The following DST variants were observed in gnomAD, a reference collection of about 807,000 sequenced individuals.
DST encodes dystonin.
In DST, 253 loss-of-function variants were observed where a neutral mutation model predicts 875.2. That is an observed-to-expected ratio of 0.29 (90% CI 0.26 to 0.32). DST has a LOEUF of 0.32. DST is among the 10% of genes least tolerant of loss of function. The pLI, the probability that DST is intolerant of heterozygous loss-of-function variation, is 1.00. For missense variants in DST, 8,287 were observed against 9,111.6 expected (o/e 0.91, Z 3.68); for synonymous variants, 3,124 against 3,197.1 (o/e 0.98, Z 0.77).
At chr6:56,801,391 C>T (rs1034394979) in intron 4 of DST, among the ~76,000 whole-genome samples, 5 of 152,180 alleles carry the variant, frequency 3.3e-5, no homozygotes, top group African/African-American at 7.2e-5. Context: ...GAGGAAATAC[C>T]GCTATCTGAG....
chr6:56,553,020 T>A lies in DST; in HGVS notation c.15772A>T (p.Thr5258Ser). The change falls in exon 61 of 104, where the codon ACT becomes TCT. Residue 5258 changes from threonine to serine, a missense_variant. By Grantham distance (58) the Thr-to-Ser change is moderately conservative (BLOSUM62 1). This residue lies in a region of DST where 1,513 missense variants were observed against 1,677.8 expected (regional missense o/e 0.90). Coordinates refer to ENST00000680361, the MANE Select transcript of DST (RefSeq NM_001374736.1). Reference protein sequence around the residue: ...KSLIQKVDMVTEQLHSKKFCL... With the variant: ...KSLIQKVDMVSEQLHSKKFCL... ...AATTTCTTACTGTGAAGTTGTTCAG[T>A]GACCATGTCCACCTTCTGGATCAGT... 6.2e-7 allele frequency: 1 copy of A among 1,613,964 alleles called. No individual in the cohort carries two copies. Among genetic ancestry groups the A allele is most frequent in the Non-Finnish European group, 8.5e-7 (1 of 1,179,902 alleles).
At chr6:56,724,688 A>G (rs1284925659) in intron 5 of DST, among the ~76,000 whole-genome samples, 2 of 152,014 alleles carry the variant, frequency 1.3e-5, no homozygotes, top group African/African-American at 4.8e-5. Flanking sequence ...AGGGGGAAAA[A>G]CTAGTGTTAG....
At chr6:56,658,888 G>C (rs923229490) in intron 10 of DST, among the ~76,000 whole-genome samples, 1 of 152,116 alleles carries the variant, frequency 6.6e-6, no homozygotes, top group Non-Finnish European at 1.5e-5. Context: ...GTGGTTGAAG[G>C]GCACAGGACT....
At chr6:56,806,567 A>C (rs1237938646) in intron 4 of DST, among the ~76,000 whole-genome samples, 1 of 152,220 alleles carries the variant, frequency 6.6e-6, no homozygotes, top group Non-Finnish European at 1.5e-5. Flanking sequence ...CCTAAAAGCA[A>C]GCGTGTGGCA....
chr6:56,833,875 T>C (rs1313621301), intron 4 of DST, among the ~76,000 whole-genome samples: 3 of 151,882 alleles, frequency 2.0e-5, no homozygotes, highest in Non-Finnish European at 2.9e-5. Flanking sequence ...GATAAAGGAC[T>C]GGTATCCAAA....
rs2098645980 is a variant in DST, at chr6:56,618,058, AT to A, written c.4930-3575del. 2 of 1,614,174 alleles carry A rather than the reference AT, an allele frequency of 1.2e-6. No homozygotes were observed. The highest frequency in any genetic ancestry group is 1.7e-6 in the Non-Finnish European group (2 of 1,180,018). On this transcript the variant is annotated intron_variant, in intron 36 of 103. Coordinates refer to ENST00000680361, the MANE Select transcript of DST (RefSeq NM_001374736.1). ...CTTGATACCTAACAGGTGGTCTAGA[AT>A]TGTTCAGGGCTTGGTCTCTTATCTT... is the stretch of plus-strand genomic sequence containing the variant.
At chr6:56,521,797 G>C (rs2096712488) in intron 69 of DST, among the ~76,000 whole-genome samples, 1 of 151,844 alleles carries the variant, frequency 6.6e-6, no homozygotes. Context: ...CATTTCTAAT[G>C]GAACATAAAC....
intron 5 of DST, among the ~76,000 whole-genome samples, chr6:56,720,970 G>A (rs1479146423): frequency 6.6e-6 from 1 of 151,868 alleles, no homozygotes; most frequent in Non-Finnish European, 1.5e-5. Context: ...GGGCAGCCGG[G>A]CAGAGGCGCC....
chr6:56,518,152 A>G (rs1464625913), intron 69 of DST, among the ~76,000 whole-genome samples: 1 of 152,206 alleles, frequency 6.6e-6, no homozygotes, highest in Non-Finnish European at 1.5e-5. Context: ...TGATTCATGT[A>G]TAATTTTTAA....
chr6:56,712,640 TATA>T (rs1392006202), intron 5 of DST, among the ~76,000 whole-genome samples: 1 of 152,212 alleles, frequency 6.6e-6, no homozygotes, highest in African/African-American at 2.4e-5. Flanking sequence ...ACAGGTAGTC[TATA>T]ATGACACCAT....
At chr6:56,692,072 C>A (rs1038543100) in intron 9 of DST, among the ~76,000 whole-genome samples, 1 of 152,160 alleles carries the variant, frequency 6.6e-6, no homozygotes, top group African/African-American at 2.4e-5. Context: ...GGCTATTCCA[C>A]AGGCAAAGTC....
At chr6:56,548,328 AAGGT>A (rs1173893544) in intron 61 of DST, among the ~76,000 whole-genome samples, 1 of 152,176 alleles carries the variant, frequency 6.6e-6, no homozygotes, top group Non-Finnish European at 1.5e-5. Context: ...AGAGGTGGGG[AAGGT>A]ACAGATTTAG....
chr6:56,795,954 T>C (rs1012648503), intron 4 of DST, among the ~76,000 whole-genome samples: 1 of 152,170 alleles, frequency 6.6e-6, no homozygotes, highest in Non-Finnish European at 1.5e-5. Context: ...ATGGTACTAC[T>C]AGAGAAGACA....
chr6:56,610,550 T>A lies in DST; in HGVS notation c.5160A>T (p.Glu1720Asp), dbSNP rs1469052394. 3.2e-6 allele frequency: 5 copies of A among 1,576,784 alleles called. No homozygotes were observed. The highest frequency in any genetic ancestry group is 4.3e-6 in the Non-Finnish European group (5 of 1,162,672). ...CTTGTTTTTCCAATTCATTTCTTTCTTCATCTGTCATTCTAAATAACCAGA... is the reference window on the plus strand; with the variant it reads ...CTTGTTTTTCCAATTCATTTCTTTCATCATCTGTCATTCTAAATAACCAGA... ...LAKHGDKMTD[E>D]ERNELEKQVK... Residue 1720 changes from glutamate (E) to aspartate (D), a missense_variant, in exon 39 of 104, where the codon GAA (glutamate) becomes GAT (aspartate). Coordinates refer to ENST00000680361, the MANE Select transcript of DST (RefSeq NM_001374736.1).
intron 10 of DST, among the ~76,000 whole-genome samples, chr6:56,654,228 T>A (rs2152802663): frequency 6.6e-6 from 1 of 152,306 alleles, no homozygotes; most frequent in East Asian, 1.9e-4. Flanking sequence ...TCTATGATAA[T>A]GTTAATGTTT....
chr6:56,828,927 A>C (rs2099783891), intron 4 of DST, among the ~76,000 whole-genome samples: 1 of 152,162 alleles, frequency 6.6e-6, no homozygotes, highest in African/African-American at 2.4e-5. Context: ...AAATCTAGAA[A>C]GCTTCACTAA....
intron 55 of DST, among the ~76,000 whole-genome samples, chr6:56,562,514 G>A (rs2097553340): frequency 6.6e-6 from 1 of 151,228 alleles, no homozygotes; most frequent in East Asian, 1.9e-4. Flanking sequence ...CTTTATTCTA[G>A]GAAGAATCAT....
At chr6:56,926,382 G>C (rs965377713) in intron 2 of DST, among the ~76,000 whole-genome samples, 27 of 152,334 alleles carry the variant, frequency 1.8e-4, no homozygotes, top group African/African-American at 1.2e-4. Context: ...TGGTGAAGGA[G>C]ACAGACTTAT....
chr6:56,527,540 G>GAGA lies in DST; in HGVS notation c.17874_17875insTCT (p.Thr5958_Gln5959insSer). 6.2e-7 allele frequency: 1 copy of GAGA among 1,613,722 alleles called. No individual in the cohort carries two copies. The highest frequency in any genetic ancestry group is 8.5e-7 in the Non-Finnish European group (1 of 1,179,804). Reference sequence around the variant, plus strand: ...CTTGCTTCTTCTCCTTTCAGAACCTGAGTTTCATATGAAAGTAATTCCACC... The same window carrying GAGA: ...CTTGCTTCTTCTCCTTTCAGAACCTGAGAAGTTTCATATGAAAGTAATTCCACC... On this transcript the variant is annotated inframe_insertion, in exon 68 of 104. Coordinates refer to ENST00000680361, the MANE Select transcript of DST (RefSeq NM_001374736.1).
Sources: gnomAD v4.1 joint callset for allele counts (sites outside exome capture counted in the v4.1 genomes callset) on GRCh38, gnomAD v4.1.1 for gene constraint, gnomAD v4.1.1 regional missense constraint, MANE v1.5 for transcripts, NCBI Gene and HGNC (gene_info 2026-07-23, HGNC 2026-07-21) for gene names.